REXO5: variants seen among roughly 807,000 people sequenced by gnomAD.
REXO5 encodes the protein RNA exonuclease 5, also known as exonuclease NEF-sp.
REXO5 carries 48 observed loss-of-function variants against 88.5 expected under a neutral mutation model. That is an observed-to-expected ratio of 0.54 (90% confidence interval 0.43 to 0.69). The LOEUF is 0.69. Among genes scored for constraint, REXO5 ranks in the 30% least tolerant of loss-of-function variants. The probability of loss-of-function intolerance (pLI) is 0.00; values close to 1 mark genes in which losing one functional copy is unlikely to be tolerated. For missense variants in REXO5, 749 were observed against 912.2 expected (o/e 0.82, Z 2.30); for synonymous variants, 311 against 336.5 (o/e 0.92, Z 0.83).
intron 18 of REXO5, among the ~76,000 whole-genome samples, chr16:20,845,931 TAGACCCCTCATCAGCA>T (rs2081599497): frequency 6.6e-6 from 1 of 152,196 alleles, no homozygotes; most frequent in Non-Finnish European, 1.5e-5. Context: ...GAAGCCAGAC[TAGACCCCTCATCAGCA>T]ATGTGGCTCC....
chr16:20,833,231 A>G lies in REXO5; in HGVS notation c.1383+108A>G, dbSNP rs539132651. The G allele has an allele frequency of 4.7e-5, 56 of 1,193,140 alleles. No homozygotes were observed. The Admixed American group carries it at 1.4e-3, about 30-fold the overall frequency. The allele number at this position is 1,193,140 out of a possible 1,614,324, so 73.9% of individuals were successfully genotyped here. On this transcript the variant is annotated intron_variant, in intron 13 of 19. Transcript: ENST00000261377. The stretch of plus-strand genomic sequence containing the variant: ...TTTTTTCATCAGCAACCCTGGCTAC[A>G]GTTAGCAAGCCTGGCTTGTGTCTCA...
chr16:20,847,587 C>G (rs2081628699), intron 19 of REXO5, among the ~76,000 whole-genome samples: 1 of 152,096 alleles, frequency 6.6e-6, no homozygotes. Context: ...GGTCTACCTA[C>G]TGGGCACCTT....
At chr16:20,844,074 A>T in intron 16 of REXO5, 48 bp downstream of exon 16, 1 of 1,142,414 alleles carries the variant, frequency 8.8e-7, no homozygotes, top group Non-Finnish European at 1.3e-6. Context: ...GGCCTACCAC[A>T]GCCTGTATTT....
At chr16:20,840,585 G>A in intron 15 of REXO5, 117 bp downstream of exon 15, 1 of 847,976 alleles carries the variant, frequency 1.2e-6, no homozygotes, top group East Asian at 2.5e-5. Context: ...ACCAACTGGA[G>A]TGTGAGACAT....
chr16:20,825,368 C>T (rs561739051), intron 7 of REXO5, among the ~76,000 whole-genome samples: 1 of 152,128 alleles, frequency 6.6e-6, no homozygotes, highest in Non-Finnish European at 1.5e-5. Flanking sequence ...GTGGCTATGT[C>T]GCCTTAGACA....
intron 4 of REXO5, among the ~76,000 whole-genome samples, chr16:20,815,769 C>A (rs1286052386): frequency 3.9e-5 from 6 of 152,212 alleles, no homozygotes; most frequent in African/African-American, 1.4e-4. Context: ...AAGCTCTCAA[C>A]CTTTTTGCCG....
At chr16:20,827,950 G>A (rs1265000833) in intron 10 of REXO5, among the ~76,000 whole-genome samples, 2 of 152,088 alleles carry the variant, frequency 1.3e-5, no homozygotes, top group African/African-American at 2.4e-5. Context: ...GGGATGCAGA[G>A]CAAGATCTAT....
chr16:20,808,291 T>C (rs2080940523), intron 2 of REXO5, among the ~76,000 whole-genome samples: 1 of 152,188 alleles, frequency 6.6e-6, no homozygotes, highest in African/African-American at 2.4e-5. Flanking sequence ...GAGAACTAAA[T>C]ATACTTCATT....
chr16:20,816,200 A>G lies in REXO5; in HGVS notation c.463A>G (p.Lys155Glu). ...QTEQRAGDLPKTMEGPLPSNA... is the reference protein window; with the variant it reads ...QTEQRAGDLPETMEGPLPSNA... ...TGAACAAAGAGCTGGAGATCTGCCC[A>G]AGACAATGGAAGGTATAGCTATGAT... Residue 155 changes from lysine (K) to glutamate (E), a missense_variant, in exon 5 of 20, where the codon AAG becomes GAG. Physicochemically the swap from Lys to Glu is moderately conservative, Grantham distance 56. Coordinates refer to ENST00000261377, the MANE Select transcript of REXO5 (RefSeq NM_030941.3). 1 of 1,612,708 alleles carries G rather than the reference A, an allele frequency of 6.2e-7. No homozygotes were observed. Among genetic ancestry groups the G allele is most frequent in the East Asian group, 2.2e-5 (1 of 44,878 alleles).
chr16:20,813,026 C>G (rs548298417), intron 2 of REXO5, among the ~76,000 whole-genome samples, 164 bp from the exon 3 acceptor site: 1 of 152,300 alleles, frequency 6.6e-6, no homozygotes, highest in African/African-American at 2.4e-5. Flanking sequence ...GTCATACCTA[C>G]CACATATTGT....
At chr16:20,806,925 C>G in intron 1 of REXO5, 27 bp from the exon 2 acceptor site, 1 of 1,561,250 alleles carries the variant, frequency 6.4e-7, no homozygotes, top group Non-Finnish European at 8.7e-7. Context: ...TGGAGTTTCC[C>G]CAGCTCTACC....
intron 5 of REXO5, among the ~76,000 whole-genome samples, chr16:20,817,659 A>G (rs2081101455): frequency 6.6e-6 from 1 of 152,208 alleles, no homozygotes; most frequent in African/African-American, 2.4e-5. Context: ...GGTTAGGGCA[A>G]CTTCTCCATC....
chr16:20,841,525 T>A (rs896164548), intron 15 of REXO5, among the ~76,000 whole-genome samples: 6 of 152,220 alleles, frequency 3.9e-5, no homozygotes, highest in African/African-American at 1.4e-4. Flanking sequence ...TTACAATGTA[T>A]GAAAGTGAAG....
chr16:20,819,111 T>C (rs1487838921), intron 5 of REXO5, among the ~76,000 whole-genome samples: 1 of 152,222 alleles, frequency 6.6e-6, no homozygotes, highest in Admixed American at 6.5e-5. Context: ...TTGTTCCTTT[T>C]TGTGGCTGCA....
chr16:20,813,357 T>TTTTC, intron 3 of REXO5, 55 bp downstream of exon 3: 1 of 926,028 alleles, frequency 1.1e-6, no homozygotes, highest in East Asian at 2.6e-5. Flanking sequence ...TTTTTTTTTT[T>TTTTC]TTTTTTTACC....
intron 15 of REXO5, among the ~76,000 whole-genome samples, chr16:20,841,490 A>G (rs1299267358): frequency 6.6e-6 from 1 of 152,236 alleles, no homozygotes; most frequent in Non-Finnish European, 1.5e-5. Flanking sequence ...AGAATTCGGA[A>G]CTAGGTAACT....
chr16:20,846,759 G>C (rs996370930), intron 19 of REXO5, among the ~76,000 whole-genome samples: 1 of 152,152 alleles, frequency 6.6e-6, no homozygotes, highest in Non-Finnish European at 1.5e-5. Flanking sequence ...ACAGGGCCTG[G>C]TTTGCTGATT....
At chr16:20,832,504 A>AAG (rs1423405866) in intron 12 of REXO5, among the ~76,000 whole-genome samples, 1 of 151,958 alleles carries the variant, frequency 6.6e-6, no homozygotes, top group Non-Finnish European at 1.5e-5. Context: ...AAAAAAAAAA[A>AAG]AAAGAAAAAA....
rs2080879991 is a variant in REXO5 at position 20,806,575 on chromosome 16, GTCTTC to G, written c.-126_-122del. On this transcript the variant is annotated 5_prime_UTR_variant, in exon 1 of 20. Transcript: ENST00000261377. ...AGGGGAGAACCTCTGCTCCCCGCCCGTCTTCTCTTCTGCGTTTCCCGGGCTAGGGG... is the reference window on the plus strand; with the variant it reads ...AGGGGAGAACCTCTGCTCCCCGCCCGTCTTCTGCGTTTCCCGGGCTAGGGG... 2 of 1,463,732 alleles carry G rather than the reference GTCTTC, an allele frequency of 1.4e-6. No individual in the cohort carries two copies. The highest frequency in any genetic ancestry group is 1.8e-6 in the Non-Finnish European group (2 of 1,106,264). The allele number at this position is 1,463,732 out of a possible 1,614,324, so 90.7% of individuals were successfully genotyped here.
Sources: gnomAD v4.1 joint callset for allele counts (sites outside exome capture counted in the v4.1 genomes callset) on GRCh38, gnomAD v4.1.1 for gene constraint, MANE v1.5 for transcripts, NCBI Gene and HGNC (gene_info 2026-07-23, HGNC 2026-07-21) for gene names.